Variants in RUVBL1 observed in about 807,000 individuals in gnomAD.
RUVBL1 encodes ruvB-like 1.
A neutral mutation model predicts 52.4 loss-of-function variants in RUVBL1; 4 were observed. The observed-to-expected ratio is 0.08, with a 90% confidence interval of 0.04 to 0.17. The LOEUF (loss-of-function observed/expected upper bound fraction) is 0.17. RUVBL1 is among the 10% of genes least tolerant of loss of function. The pLI is 1.00. For synonymous variants in RUVBL1, 217 were observed against 214.4 expected, an observed-to-expected ratio of 1.01 and a Z score of -0.10; for missense variants, 298 against 572.8, an observed-to-expected ratio of 0.52 and a Z score of 4.90.
intron 9 of RUVBL1, among the ~76,000 whole-genome samples, chr3:128,085,513 G>A (rs570244092): frequency 6.6e-6 from 1 of 152,316 alleles, no homozygotes; most frequent in South Asian, 2.1e-4. Context: ...AGTCACCCTT[G>A]CAAGTCACCT....
At chr3:128,069,341 A>G in intron 9 of RUVBL1, 1 of 811,494 alleles carries the variant, frequency 1.2e-6, no homozygotes, top group Non-Finnish European at 2.0e-6. Context: ...CTAGCATGTT[A>G]GTAGATGACT....
intron 1 of RUVBL1, among the ~76,000 whole-genome samples, chr3:128,148,751 G>A (rs530711682): frequency 6.6e-6 from 1 of 152,154 alleles, no homozygotes; most frequent in Non-Finnish European, 1.5e-5. Flanking sequence ...CATATATATA[G>A]AGAGTGCATT....
chr3:128,114,065 TA>T (rs1943459298), intron 2 of RUVBL1, among the ~76,000 whole-genome samples: 1 of 152,264 alleles, frequency 6.6e-6, no homozygotes. Flanking sequence ...TGGCAAATGC[TA>T]AACAGAACCA....
At chr3:128,123,539 G>A in intron 1 of RUVBL1, 45 bp downstream of exon 1, 3 of 1,511,128 alleles carry the variant, frequency 2.0e-6, no homozygotes, top group South Asian at 1.2e-5. Context: ...TCTCGCCGCA[G>A]CAGCCCTGCT....
At chr3:128,150,241 G>A (rs1233222252) in intron 1 of RUVBL1, among the ~76,000 whole-genome samples, 1 of 152,022 alleles carries the variant, frequency 6.6e-6, no homozygotes, top group Non-Finnish European at 1.5e-5. Flanking sequence ...TATCATGTCT[G>A]CCACACAGCA....
chr3:128,120,162 G>C (rs1943611000), intron 1 of RUVBL1, among the ~76,000 whole-genome samples: 1 of 152,142 alleles, frequency 6.6e-6, no homozygotes, highest in Admixed American at 6.5e-5. Context: ...GAACGAAACT[G>C]TGTTTATGTT....
chr3:128,120,736 C>T (rs1182037797), intron 1 of RUVBL1, among the ~76,000 whole-genome samples: 1 of 152,086 alleles, frequency 6.6e-6, no homozygotes, highest in African/African-American at 2.4e-5. Context: ...CTTATGGCAG[C>T]CCCTCAAAAA....
intron 8 of RUVBL1, among the ~76,000 whole-genome samples, chr3:128,090,087 G>GCCAC (rs1942792413): frequency 6.6e-6 from 1 of 152,124 alleles, no homozygotes; most frequent in Non-Finnish European, 1.5e-5. Flanking sequence ...CGATGGTCAT[G>GCCAC]CCACCCTGTG....
At chr3:128,099,371 T>C (rs935268081) in intron 6 of RUVBL1, among the ~76,000 whole-genome samples, 1 of 152,256 alleles carries the variant, frequency 6.6e-6, no homozygotes, top group Non-Finnish European at 1.5e-5. Context: ...CTAGGGCGCA[T>C]CTGACCCTAA....
chr3:128,143,297 C>T (rs528856016), intron 1 of RUVBL1, among the ~76,000 whole-genome samples: 15 of 151,870 alleles, frequency 9.9e-5, no homozygotes, highest in African/African-American at 3.4e-4. Context: ...CTTAGCCTCT[C>T]GAGTAGCTGG....
chr3:128,147,440 T>C (rs536668979), intron 1 of RUVBL1, among the ~76,000 whole-genome samples: 1 of 152,040 alleles, frequency 6.6e-6, no homozygotes, highest in South Asian at 2.1e-4. Context: ...TTACAAAAAA[T>C]TTTAAAAATT....
chr3:128,138,511 A>T (rs924617946), intron 1 of RUVBL1, among the ~76,000 whole-genome samples: 2 of 152,136 alleles, frequency 1.3e-5, no homozygotes, highest in African/African-American at 4.8e-5. Context: ...GAAGTCAGAG[A>T]TCTCTACAGT....
intron 9 of RUVBL1, chr3:128,069,896 G>A: frequency 1.9e-6 from 1 of 532,198 alleles, no homozygotes; most frequent in Non-Finnish European, 3.4e-6. Flanking sequence ...GACTGCCAGA[G>A]AAGTGGGAAT....
rs753428759 is a variant in RUVBL1 at position 128,067,426 on chromosome 3, G to A, written c.940-2206C>T. On this transcript the variant is annotated intron_variant, in intron 9 of 9. Coordinates refer to the RUVBL1 transcript ENST00000464873. This position sits in a 1 kb window ranked among gnomAD's most constrained non-coding sequence, Gnocchi z 4.1. Reference sequence around the variant, plus strand: ...TTTGGTTTCTTCTTCCCCAGGACACGTCTTCTGGGGGCCCAGCACGTGCTT... The same window carrying A: ...TTTGGTTTCTTCTTCCCCAGGACACATCTTCTGGGGGCCCAGCACGTGCTT... The A allele has an allele frequency of 1.2e-5, 20 of 1,610,880 alleles. No individual in the cohort carries two copies. The highest frequency in any genetic ancestry group is 1.6e-5 in the Non-Finnish European group (19 of 1,178,950).
chr3:128,081,881 G>A lies in RUVBL1; in HGVS notation c.1212-472C>T, dbSNP rs1942485459. On this transcript the variant is annotated intron_variant, in intron 10 of 10. Coordinates refer to ENST00000322623, the MANE Select transcript of RUVBL1 (RefSeq NM_003707.3). This position sits in a 1 kb window ranked among gnomAD's most constrained non-coding sequence, Gnocchi z 4.8. ...CTTGCATTTCTGCCTTCAACCTCAGGAGCAAGAACTGACTCAAGGGATGTA... is the reference window on the plus strand; with the variant it reads ...CTTGCATTTCTGCCTTCAACCTCAGAAGCAAGAACTGACTCAAGGGATGTA... The A allele has an allele frequency of 2.4e-5, 4 of 163,918 alleles. No individual in the cohort carries two copies. In the South Asian group the frequency reaches 6.2e-4, roughly 26 times the overall value. 10.2% of individuals were successfully genotyped at this position (163,918 alleles called of 1,614,324 possible). A position where few individuals can be genotyped will look rare whatever the true frequency, so the allele number is the denominator to read the frequency against.
chr3:128,092,824 C>G (rs1401774285), intron 8 of RUVBL1, among the ~76,000 whole-genome samples: 1 of 152,128 alleles, frequency 6.6e-6, no homozygotes, highest in Non-Finnish European at 1.5e-5. Context: ...ACCACTGGAC[C>G]CAGCAATTCC....
At chr3:128,105,870 T>C (rs558462669) in intron 3 of RUVBL1, among the ~76,000 whole-genome samples, 23 of 137,660 alleles carry the variant, frequency 1.7e-4, no homozygotes, top group African/African-American at 3.0e-4. Flanking sequence ...TTTTTCTTTT[T>C]TTTTTTTTTT....
At chr3:128,127,202 C>T (rs1343865089), upstream of RUVBL1, among the ~76,000 whole-genome samples, 1 of 152,218 alleles carries the variant, frequency 6.6e-6, no homozygotes, top group Non-Finnish European at 1.5e-5. Flanking sequence ...ATCCCTGCAT[C>T]ATCCTCGCCT....
chr3:128,087,349 A>G (rs1209003877), intron 9 of RUVBL1, among the ~76,000 whole-genome samples: 2 of 152,370 alleles, frequency 1.3e-5, no homozygotes, highest in East Asian at 1.9e-4. Context: ...TCACTAAATC[A>G]TATTTTATTG....
Sources: allele counts gnomAD v4.1 joint callset (sites outside exome capture counted in the v4.1 genomes callset), GRCh38; gene constraint gnomAD v4.1.1; non-coding constraint Gnocchi (gnomAD v3.1); transcripts MANE v1.5; gene names NCBI Gene and HGNC (gene_info 2026-07-23, HGNC 2026-07-21).